PTPN22: variants seen among roughly 807,000 people sequenced by gnomAD.
PTPN22 encodes tyrosine-protein phosphatase non-receptor type 22.
In PTPN22, 85 loss-of-function variants were observed where a neutral mutation model predicts 103.3. The observed-to-expected ratio is 0.82, with a 90% CI of 0.69 to 0.99. The LOEUF is 0.99. Ranked by LOEUF, PTPN22 falls within the 50% of genes least tolerant of loss-of-function variation. The pLI, the probability that PTPN22 is intolerant of heterozygous loss-of-function variation, is 0.00. For missense variants in PTPN22, 865 were observed against 936.9 expected, an observed-to-expected ratio of 0.92 and a Z score of 1.00; for synonymous variants, 323 against 310.2, an observed-to-expected ratio of 1.04 and a Z score of -0.43.
intron 9 of PTPN22, among the ~76,000 whole-genome samples, chr1:113,852,715 C>T (rs1250284095): frequency 6.6e-6 from 1 of 152,152 alleles, no homozygotes; most frequent in African/African-American, 2.4e-5. Context: ...CACCTAACCC[C>T]CTTGGGGTTC....
At chr1:113,826,137 G>C (rs1025502631) in intron 18 of PTPN22, among the ~76,000 whole-genome samples, 2 of 152,040 alleles carry the variant, frequency 1.3e-5, no homozygotes, top group Non-Finnish European at 2.9e-5. Flanking sequence ...CTTGAGGCCA[G>C]GGAGTTCAAG....
intron 12 of PTPN22, 24 bp from the exon 13 acceptor site, chr1:113,838,431 G>A (rs778878061): frequency 2.0e-5 from 31 of 1,583,906 alleles, no homozygotes; most frequent in Non-Finnish European, 2.3e-5. Flanking sequence ...AAAGCGTAAT[G>A]ATGACACCAT....
intron 18 of PTPN22, among the ~76,000 whole-genome samples, chr1:113,826,051 G>T (rs1007971237): frequency 4.0e-5 from 6 of 151,786 alleles, no homozygotes; most frequent in African/African-American, 1.5e-4. Context: ...GAATATTGAC[G>T]GGGAGCAGTG....
At chr1:113,837,822 A>G in exon 13 of PTPN22, 1 of 1,613,908 alleles carries the variant, frequency 6.2e-7, no homozygotes, top group African/African-American at 1.3e-5. Flanking sequence ...GTATGTAAGA[A>G]TATACACCAA....
intron 19 of PTPN22, among the ~76,000 whole-genome samples, chr1:113,822,070 T>A (rs1661660653): frequency 6.6e-6 from 1 of 152,192 alleles, no homozygotes. Context: ...TGCCTATGAA[T>A]GAGTTAACAC....
At chr1:113,831,392 C>CT (rs1250073062) in intron 16 of PTPN22, among the ~76,000 whole-genome samples, 1 of 152,130 alleles carries the variant, frequency 6.6e-6, no homozygotes, top group African/African-American at 2.4e-5. Context: ...GTCATCACTC[C>CT]TTATTTTCCT....
chr1:113,813,912 A>G (rs1290307902), exon 21 of PTPN22: 1 of 152,374 alleles, frequency 6.6e-6, no homozygotes. Flanking sequence ...TGGACTTCCA[A>G]ATGAAAAATA....
intron 10 of PTPN22, among the ~76,000 whole-genome samples, chr1:113,850,216 GGAAGGAA>G (rs1664448931): frequency 9.4e-6 from 1 of 106,410 alleles, no homozygotes; most frequent in African/African-American, 4.8e-5. Context: ...AAGGAAGGAA[GGAAGGAA>G]GGAAGGAAGG....
At chr1:113,866,124 A>G (rs959255468) in intron 1 of PTPN22, among the ~76,000 whole-genome samples, 13 of 152,224 alleles carry the variant, frequency 8.5e-5, no homozygotes, top group African/African-American at 2.9e-4. Context: ...ACCTTCCTCA[A>G]TGGAGCAAAT....
chr1:113,842,970 G>A (rs1171484115), intron 11 of PTPN22, among the ~76,000 whole-genome samples: 1 of 145,932 alleles, frequency 6.9e-6, no homozygotes, highest in Non-Finnish European at 1.5e-5. Flanking sequence ...CGTAGTGGCG[G>A]GCGCCTGTAG....
exon 21 of PTPN22, chr1:113,814,378 ATAT>A (rs1198726347): frequency 6.6e-6 from 1 of 152,288 alleles, no homozygotes; most frequent in Non-Finnish European, 1.5e-5. Flanking sequence ...CATTTTCTTA[ATAT>A]TCCAGTTTTC....
In PTPN22 at chr1:113,838,425, C is replaced by A; in HGVS notation, c.993-18G>T. On this transcript the variant is annotated intron_variant, in intron 12 of 20. Coordinates refer to ENST00000359785, the Ensembl canonical transcript of PTPN22. ...TTGTGGTACTAAAACAAAAAGAAAG[C>A]GTAATGATGACACCATACCCCAAAC... 6.3e-7 allele frequency: 1 copy of A among 1,580,410 alleles called. No homozygotes were observed. The highest frequency in any genetic ancestry group is 8.6e-7 in the Non-Finnish European group (1 of 1,165,488).
At chr1:113,850,338 G>A (rs1042405772) in intron 10 of PTPN22, among the ~76,000 whole-genome samples, 2 of 152,134 alleles carry the variant, frequency 1.3e-5, no homozygotes, top group Non-Finnish European at 1.5e-5. Context: ...CCATTTCCTG[G>A]TTACAGTAGT....
intron 15 of PTPN22, among the ~76,000 whole-genome samples, chr1:113,833,673 T>C (rs1558026398): frequency 6.6e-6 from 1 of 152,170 alleles, no homozygotes; most frequent in Non-Finnish European, 1.5e-5. Context: ...CAGAAATGCA[T>C]AACATTTTTA....
intron 19 of PTPN22, among the ~76,000 whole-genome samples, chr1:113,820,019 A>T (rs987128352): frequency 6.6e-6 from 1 of 151,148 alleles, no homozygotes; most frequent in Non-Finnish European, 1.5e-5. Flanking sequence ...GGCCACTCTT[A>T]GTACATTTTT....
chr1:113,853,775 G>A (rs1365382191), intron 9 of PTPN22, among the ~76,000 whole-genome samples: 4 of 150,696 alleles, frequency 2.7e-5, no homozygotes, highest in Non-Finnish European at 5.9e-5. Context: ...TCCGCCTCCC[G>A]GGTTCAAGCA....
intron 1 of PTPN22, among the ~76,000 whole-genome samples, chr1:113,869,525 G>C (rs1012972126): frequency 4.6e-5 from 7 of 151,828 alleles, no homozygotes; most frequent in African/African-American, 1.7e-4. Flanking sequence ...CTCTTGAGTA[G>C]CTAGGATTAC....
chr1:113,857,830 A>G, intron 4 of PTPN22, 54 bp from the exon 5 acceptor site: 1 of 1,487,130 alleles, frequency 6.7e-7, no homozygotes, highest in African/African-American at 1.4e-5. Context: ...TAGAAAGAGC[A>G]GTTAATACAT....
chr1:113,819,589 AT>A lies in PTPN22; in HGVS notation c.2346del (p.Leu784Ter). 1 of 1,605,198 alleles carries A rather than the reference AT, an allele frequency of 6.2e-7. No homozygotes were observed. The highest frequency in any genetic ancestry group is 1.1e-5 in the South Asian group (1 of 90,138). The stretch of plus-strand genomic sequence containing the variant: ...ATAACACACATACCAAAATTCAGAA[AT>A]GAGCTGGAGTTATTTGACTGAACAG... On this transcript the variant is annotated frameshift_variant, in exon 20 of 21. Coordinates refer to ENST00000359785, the Ensembl canonical transcript of PTPN22. LOFTEE classifies it high-confidence loss of function.
Sources: gnomAD v4.1 joint callset for allele counts (sites outside exome capture counted in the v4.1 genomes callset) on GRCh38, gnomAD v4.1.1 for gene constraint, MANE v1.5 for transcripts, NCBI Gene and HGNC (gene_info 2026-07-23, HGNC 2026-07-21) for gene names.